MIPOL1: variants seen among roughly 807,000 people sequenced by gnomAD.
MIPOL1 encodes the protein mirror-image polydactyly 1, also known as mirror-image polydactyly gene 1 protein.
A neutral mutation model predicts 60.9 loss-of-function variants in MIPOL1; 57 were observed. The ratio of observed to expected loss-of-function variants is 0.94; its 90% confidence interval spans 0.76 to 1.17. MIPOL1 has a LOEUF of 1.17. Among genes scored for constraint, MIPOL1 ranks in the 50% most tolerant of loss-of-function variants. MIPOL1 has a pLI of 0.00. For missense variants in MIPOL1, 551 were observed against 511.6 expected, an observed-to-expected ratio of 1.08 and a Z score of -0.74; for synonymous variants, 179 against 168.8, an observed-to-expected ratio of 1.06 and a Z score of -0.47.
At chr14:37,213,539 G>T (rs1450016099) in intron 1 of MIPOL1, among the ~76,000 whole-genome samples, 3 of 151,756 alleles carry the variant, frequency 2.0e-5, no homozygotes, top group Non-Finnish European at 4.4e-5. Flanking sequence ...AAAGAAAAAA[G>T]AATAAAAAAA....
intron 4 of MIPOL1, among the ~76,000 whole-genome samples, chr14:37,267,795 C>A (rs1434880822): frequency 6.6e-6 from 1 of 152,150 alleles, no homozygotes; most frequent in Non-Finnish European, 1.5e-5. Flanking sequence ...ACATATCATT[C>A]ATGAAAGTAA....
chr14:37,315,605 T>C (rs1287452934), intron 9 of MIPOL1, among the ~76,000 whole-genome samples: 1 of 152,176 alleles, frequency 6.6e-6, no homozygotes, highest in Non-Finnish European at 1.5e-5. Context: ...GCAGAAAGAA[T>C]TAAGGCTAAC....
chr14:37,240,634 T>C (rs1034050640), intron 1 of MIPOL1: 4 of 152,204 alleles, frequency 2.6e-5, no homozygotes, highest in Admixed American at 6.5e-5. Flanking sequence ...TAGTTTTGCT[T>C]AGGGCAAAAC....
chr14:37,516,938 T>C (rs1355638838), intron 12 of MIPOL1, among the ~76,000 whole-genome samples: 1 of 152,156 alleles, frequency 6.6e-6, no homozygotes, highest in Admixed American at 6.5e-5. Flanking sequence ...GTTTCTGCCA[T>C]TTATGAGGTA....
intron 9 of MIPOL1, among the ~76,000 whole-genome samples, chr14:37,346,090 G>A (rs575367905): frequency 2.6e-5 from 4 of 152,148 alleles, no homozygotes; most frequent in Non-Finnish European, 5.9e-5. Flanking sequence ...AGCACTTTGG[G>A]AGGCTGAGGC....
intron 7 of MIPOL1, among the ~76,000 whole-genome samples, chr14:37,297,301 A>T (rs1341811061): frequency 6.6e-6 from 1 of 152,224 alleles, no homozygotes; most frequent in African/African-American, 2.4e-5. Flanking sequence ...GATGGGATGT[A>T]TCTCAAAATA....
intron 11 of MIPOL1, among the ~76,000 whole-genome samples, chr14:37,443,170 G>T (rs2094277044): frequency 2.0e-5 from 3 of 152,028 alleles, no homozygotes; most frequent in Non-Finnish European, 4.4e-5. Context: ...ACCCATAGTG[G>T]TCATAAAAAG....
chr14:37,346,028 T>A (rs2090921330), intron 9 of MIPOL1, among the ~76,000 whole-genome samples: 1 of 152,104 alleles, frequency 6.6e-6, no homozygotes, highest in Non-Finnish European at 1.5e-5. Flanking sequence ...GTAGGGGAGA[T>A]CATTAAAATA....
chr14:37,526,892 CAAT>C (rs1273380352), intron 12 of MIPOL1, among the ~76,000 whole-genome samples: 8 of 152,030 alleles, frequency 5.3e-5, no homozygotes, highest in Non-Finnish European at 1.2e-4. Context: ...TTGAGAACAA[CAAT>C]GTCTAAGAGA....
intron 11 of MIPOL1, among the ~76,000 whole-genome samples, chr14:37,488,652 G>A (rs1399954156): frequency 1.3e-5 from 2 of 152,040 alleles, no homozygotes; most frequent in Admixed American, 6.6e-5. Flanking sequence ...AAATCTCTCA[G>A]CATTTGCTTG....
chr14:37,526,465 G>A (rs2095447550), intron 12 of MIPOL1, among the ~76,000 whole-genome samples: 2 of 150,422 alleles, frequency 1.3e-5, no homozygotes, highest in South Asian at 4.2e-4. Flanking sequence ...CACCTCCCCG[G>A]TTTACGCCAT....
rs185197458 is a variant in MIPOL1 at position 37,282,487 on chromosome 14, C to A, written c.494-2831C>A. 3.4e-4 allele frequency among the ~76,000 whole-genome samples: 51 copies of A among 151,960 alleles called. No individual in the cohort carries two copies. In the East Asian group the frequency reaches 8.1e-3, roughly 24 times the overall value. On this transcript the variant is annotated intron_variant, in intron 6 of 12. Coordinates refer to ENST00000684589, the MANE Select transcript of MIPOL1 (RefSeq NM_001388067.1). ...CAGCATGGTAGCTCACACCTATAAT[C>A]CCAGCATTTTGGTAGGCCAAGGTGG... is the stretch of plus-strand genomic sequence containing the variant.
chr14:37,369,519 C>G lies in MIPOL1; in HGVS notation c.831C>G (p.Cys277Trp). 6.2e-7 allele frequency: 1 copy of G among 1,609,648 alleles called. No individual in the cohort carries two copies. The highest frequency in any genetic ancestry group is 8.5e-7 in the Non-Finnish European group (1 of 1,177,210). ...IEERDAALSK[C>W]KRLEQELHHV... Reference sequence around the variant, plus strand: ...ATGGGATTCTTCCCCTGTGGCAGTGCAAACGGTTAGAGCAGGAGCTTCATC... The same window carrying G: ...ATGGGATTCTTCCCCTGTGGCAGTGGAAACGGTTAGAGCAGGAGCTTCATC... The change falls in exon 10 of 13, where the codon TGC becomes TGG. Residue 277 changes from cysteine (C) to tryptophan (W), a missense_variant and splice_region_variant. By Grantham distance (215) the Cys-to-Trp change is radical. Transcript: ENST00000684589.
intron 1 of MIPOL1, among the ~76,000 whole-genome samples, chr14:37,207,519 T>C (rs1395339420): frequency 6.8e-6 from 1 of 147,078 alleles, no homozygotes. Flanking sequence ...CAGTTTAAAC[T>C]TATTTGAGGA....
chr14:37,348,664 G>A (rs191800867), intron 9 of MIPOL1, among the ~76,000 whole-genome samples: 203 of 151,640 alleles, frequency 1.3e-3, no homozygotes, highest in African/African-American at 4.8e-3. Flanking sequence ...AGAGAAGGAT[G>A]ACTACCACTA....
intron 9 of MIPOL1, among the ~76,000 whole-genome samples, chr14:37,326,671 C>T (rs572359650): frequency 1.3e-5 from 2 of 152,208 alleles, no homozygotes; most frequent in East Asian, 1.9e-4. Flanking sequence ...TCCATGTTGC[C>T]GAGCCCTTGC....
At chr14:37,275,307 AC>A (rs1184452510) in intron 6 of MIPOL1, among the ~76,000 whole-genome samples, 1 of 151,218 alleles carries the variant, frequency 6.6e-6, no homozygotes, top group Non-Finnish European at 1.5e-5. Context: ...TGTATGAATG[AC>A]CTTCAAATAC....
At chr14:37,320,508 TATTG>T (rs1249028686) in intron 9 of MIPOL1, among the ~76,000 whole-genome samples, 5 of 152,074 alleles carry the variant, frequency 3.3e-5, no homozygotes, top group African/African-American at 1.2e-4. Context: ...TTGTTTTTCT[TATTG>T]ATTTATGTAA....
chr14:37,271,059 A>G (rs557280361), intron 6 of MIPOL1, among the ~76,000 whole-genome samples: 7 of 152,216 alleles, frequency 4.6e-5, no homozygotes, highest in East Asian at 1.9e-4. Flanking sequence ...AAGGTTGCCA[A>G]ACTTTCAGAT....
Sources: gnomAD v4.1 joint callset for allele counts (sites outside exome capture counted in the v4.1 genomes callset) on GRCh38, gnomAD v4.1.1 for gene constraint, MANE v1.5 for transcripts, NCBI Gene and HGNC (gene_info 2026-07-23, HGNC 2026-07-21) for gene names.